SYNE1: variants seen among roughly 807,000 people sequenced by gnomAD.
SYNE1 encodes nesprin-1.
Under a neutral mutation model 1,111.0 loss-of-function variants are expected in SYNE1, and 616 were observed. The ratio of observed to expected loss-of-function variants is 0.55; its 90% CI spans 0.52 to 0.59. The LOEUF (loss-of-function observed/expected upper bound fraction) is 0.59. Ranked by LOEUF, SYNE1 falls within the 20% of genes least tolerant of loss-of-function variation. The probability of loss-of-function intolerance (pLI) is 0.00; values close to 1 mark genes in which losing one functional copy is unlikely to be tolerated. For missense variants in SYNE1, 10,006 were observed against 10,417.0 expected (o/e 0.96, Z 1.72); for synonymous variants, 3,855 against 3,825.8 (o/e 1.01, Z -0.28).
At chr6:152,381,540 C>T (rs771814835) in intron 55 of SYNE1, 178 bp from the exon 56 acceptor site, 83 of 694,212 alleles carry the variant, frequency 1.2e-4, no homozygotes, top group Non-Finnish European at 2.0e-4. Flanking sequence ...GTTGTCATCA[C>T]GAGTGCCTAA....
At chr6:152,470,289 A>T (rs900576416) in intron 16 of SYNE1, among the ~76,000 whole-genome samples, 15 of 152,182 alleles carry the variant, frequency 9.9e-5, no homozygotes, top group African/African-American at 3.4e-4. Context: ...TTTAAATCTG[A>T]TTGGCTGTTC....
At chr6:152,450,474 C>A in intron 27 of SYNE1, 151 bp downstream of exon 27, 1 of 881,262 alleles carries the variant, frequency 1.1e-6, no homozygotes, top group South Asian at 1.4e-5. Context: ...CTGATTCTGA[C>A]TAAAATCCAT....
At chr6:152,373,005 C>A (rs773848431) in intron 59 of SYNE1, 32 bp downstream of exon 59, 1 of 1,602,112 alleles carries the variant, frequency 6.2e-7, no homozygotes, top group East Asian at 2.2e-5. Context: ...ACAAATAACA[C>A]AGAATGCTTC....
chr6:152,183,474 A>C (rs1258289246), intron 128 of SYNE1, among the ~76,000 whole-genome samples: 1 of 152,104 alleles, frequency 6.6e-6, no homozygotes, highest in African/African-American at 2.4e-5. Flanking sequence ...GGTGGCAGCC[A>C]TCTGTAATCT....
intron 101 of SYNE1, among the ~76,000 whole-genome samples, chr6:152,261,499 A>T (rs1425784428): frequency 1.3e-5 from 2 of 152,180 alleles, no homozygotes; most frequent in African/African-American, 4.8e-5. Context: ...CCTCCCAGGA[A>T]CCAGCCTTGC....
intron 32 of SYNE1, among the ~76,000 whole-genome samples, chr6:152,439,619 CT>C (rs1466216307): frequency 2.6e-5 from 4 of 152,118 alleles, no homozygotes; most frequent in Non-Finnish European, 5.9e-5. Context: ...TCTTAGAAAA[CT>C]TCAAAATCCT....
rs762936576 is a variant in SYNE1 at position 152,510,391 on chromosome 6, CA to C, written c.403-21del. 6.2e-7 allele frequency: 1 copy of C among 1,612,374 alleles called. No individual in the cohort carries two copies. Among genetic ancestry groups the C allele is most frequent in the South Asian group, 1.1e-5 (1 of 90,906 alleles). ...TTCAATCTGTTTGTGAGTTAACAGCCAGCAAAAATATAAGCATTATCTTTGT... is the reference window on the plus strand; with the variant it reads ...TTCAATCTGTTTGTGAGTTAACAGCCGCAAAAATATAAGCATTATCTTTGT... On this transcript the variant is annotated intron_variant, in intron 7 of 145. Coordinates refer to ENST00000367255, the MANE Select transcript of SYNE1 (RefSeq NM_182961.4).
chr6:152,390,903 G>A (rs567710887), intron 52 of SYNE1, among the ~76,000 whole-genome samples: 14 of 152,096 alleles, frequency 9.2e-5, no homozygotes, highest in African/African-American at 3.1e-4. Flanking sequence ...CCCTACACAC[G>A]GACTGTATTG....
At position 152,505,324 on chromosome 6, in the gene SYNE1, C is replaced by T; in HGVS notation, c.655G>A (p.Ala219Thr). Residue 219 changes from alanine (A) to threonine (T), a missense_variant, in exon 9 of 146, where the codon GCC becomes ACC. Physicochemically the swap from Ala to Thr is moderately conservative, Grantham distance 58. Around this residue, in one of 7 missense-constraint regions of SYNE1, gnomAD observed 1,971 missense variants for 2,084.1 expected, o/e 0.95. Transcript: ENST00000367255. The part of the protein sequence containing the change: ...SGVAFHSVIH[A>T]IRPELVDLET... ...AAGTCCACCAATTCCGGTCGAATGG[C>T]ATGAATAACTGAATGAAAGGCAACC... 2 of 1,614,134 alleles carry T rather than the reference C, an allele frequency of 1.2e-6. No individual in the cohort carries two copies. The highest frequency in any genetic ancestry group is 1.7e-6 in the Non-Finnish European group (2 of 1,180,024).
chr6:152,504,986 A>G (rs1160441199), intron 9 of SYNE1, among the ~76,000 whole-genome samples: 2 of 152,196 alleles, frequency 1.3e-5, no homozygotes, highest in Non-Finnish European at 2.9e-5. Flanking sequence ...CCAATGCCAA[A>G]GTGCTGTTTG....
At position 152,152,110 on chromosome 6, in the gene SYNE1, G is replaced by A. The variant is rs771177928; in HGVS notation, c.24161C>T (p.Thr8054Met). 13 of 1,614,000 alleles carry A rather than the reference G, an allele frequency of 8.1e-6. No individual in the cohort carries two copies. Among genetic ancestry groups the A allele is most frequent in the Admixed American group, 1.7e-5 (1 of 60,000 alleles). ...AFQRQVHECL[T>M]QLELINKQYR... ...CTGCTTGTTGATCAGTTCCAGCTGCGTCAGGCACTCGTGGACCTGTCGCTG... is the reference window on the plus strand; with the variant it reads ...CTGCTTGTTGATCAGTTCCAGCTGCATCAGGCACTCGTGGACCTGTCGCTG... The change falls in exon 134 of 146, where the codon ACG becomes ATG. Residue 8054 changes from threonine (T) to methionine (M), a missense_variant. By Grantham distance (81) the Thr-to-Met change is moderately conservative (BLOSUM62 -1). Transcript: ENST00000367255.
chr6:152,621,329 A>G (rs1015694873), intron 3 of SYNE1, among the ~76,000 whole-genome samples: 2 of 152,200 alleles, frequency 1.3e-5, no homozygotes, highest in Non-Finnish European at 2.9e-5. Context: ...GTTACATCAT[A>G]AGAGTAACAA....
chr6:152,326,783 G>A (rs2096077141), intron 78 of SYNE1, 150 bp from the exon 79 acceptor site: 3 of 718,956 alleles, frequency 4.2e-6, no homozygotes, highest in South Asian at 1.7e-5. Context: ...TTTTTGTGGT[G>A]CCATCATCAT....
intron 126 of SYNE1, 36 bp downstream of exon 126, chr6:152,206,131 AG>A (rs1296492810): frequency 2.5e-6 from 4 of 1,600,762 alleles, no homozygotes; most frequent in Non-Finnish European, 3.4e-6. Context: ...AACGACTAAA[AG>A]GGTTTTTTGG....
intron 5 of SYNE1, among the ~76,000 whole-genome samples, chr6:152,525,694 C>G (rs2099160422): frequency 6.6e-6 from 1 of 152,110 alleles, no homozygotes; most frequent in African/African-American, 2.4e-5. Context: ...TATATAAATA[C>G]ACAGATATGG....
Position 152,148,449 on chromosome 6 carries a change from A to G in SYNE1, c.24643-71T>C. Reference sequence around the variant, plus strand: ...AGCTTCTTATCTGGGCCACCTGCCTACCATGTGGGGACAATTTTTAACTTC... The same window carrying G: ...AGCTTCTTATCTGGGCCACCTGCCTGCCATGTGGGGACAATTTTTAACTTC... On this transcript the variant is annotated intron_variant, in intron 136 of 145. Transcript: ENST00000367255. This position sits in a 1 kb window ranked among gnomAD's most constrained non-coding sequence, Gnocchi z 4.1. 1 of 1,419,466 alleles carries G rather than the reference A, an allele frequency of 7.0e-7. No homozygotes were observed. The highest frequency in any genetic ancestry group is 9.8e-7 in the Non-Finnish European group (1 of 1,025,332). 87.9% of individuals were successfully genotyped at this position (1,419,466 alleles called of 1,614,324 possible). A position where few individuals can be genotyped will look rare whatever the true frequency, so the allele number is the denominator to read the frequency against.
At position 152,334,082 on chromosome 6, in the gene SYNE1, T is replaced by C. The variant is rs767537004; in HGVS notation, c.12720A>G (p.Arg4240=). The C allele has an allele frequency of 6.2e-7, 1 of 1,614,206 alleles. No individual in the cohort carries two copies. Among genetic ancestry groups the C allele is most frequent in the African/African-American group, 1.3e-5 (1 of 75,070 alleles). ...CAACATTCATACAGTCATGGTAATC[T>C]CTTGTTCTCTGAAGATCCTCTTCCC... The part of the protein sequence containing the change: ...LQREEDLQRT[R]DYHDCMNVVE... Residue 4240 remains arginine, a synonymous_variant, in exon 77 of 146, where the codon AGA becomes AGG. Transcript: ENST00000367255.
At chr6:152,289,906 A>G (rs113981140) in intron 95 of SYNE1, among the ~76,000 whole-genome samples, 11,703 of 147,664 alleles carry the variant, frequency 0.079, 1,152 homozygotes, top group African/African-American at 0.24. Flanking sequence ...GATTACAGGC[A>G]TGAGCTACCG....
intron 3 of SYNE1, among the ~76,000 whole-genome samples, chr6:152,596,021 G>A (rs1014095294): frequency 1.7e-4 from 25 of 147,208 alleles, no homozygotes; most frequent in African/African-American, 5.8e-4. Flanking sequence ...CTCGAACCAA[G>A]GGGTTGATTC....
Sources: gnomAD v4.1 joint callset for allele counts (sites outside exome capture counted in the v4.1 genomes callset) on GRCh38, gnomAD v4.1.1 for gene constraint, gnomAD v4.1.1 regional missense constraint, Gnocchi (gnomAD v3.1) non-coding constraint, MANE v1.5 for transcripts, NCBI Gene and HGNC (gene_info 2026-07-23, HGNC 2026-07-21) for gene names.